ST8SIA1: variants seen among roughly 807,000 people sequenced by gnomAD.
ST8SIA1 encodes the protein ST8 alpha-N-acetyl-neuraminide alpha-2,8-sialyltransferase 1, also known as alpha-N-acetylneuraminide alpha-2,8-sialyltransferase.
Under a neutral mutation model 35.9 loss-of-function variants are expected in ST8SIA1, and 16 were observed. That is an observed-to-expected ratio of 0.45 (90% CI 0.30 to 0.68). ST8SIA1 has a LOEUF of 0.68. ST8SIA1 is among the 30% of genes least tolerant of loss of function. The probability of loss-of-function intolerance (pLI) is 0.09; values close to 1 mark genes in which losing one functional copy is unlikely to be tolerated. For missense variants in ST8SIA1, 383 were observed against 453.6 expected, an observed-to-expected ratio of 0.84 and a Z score of 1.41; for synonymous variants, 170 against 169.6, an observed-to-expected ratio of 1.00 and a Z score of -0.02.
chr12:22,256,118 AAAC>A (rs1186480757), intron 2 of ST8SIA1, among the ~76,000 whole-genome samples: 2 of 152,228 alleles, frequency 1.3e-5, no homozygotes, highest in East Asian at 1.9e-4. Flanking sequence ...AAAGCAGCGT[AAAC>A]AACGACACAG....
chr12:22,295,704 C>A (rs1210429208), intron 1 of ST8SIA1, among the ~76,000 whole-genome samples: 1 of 152,162 alleles, frequency 6.6e-6, no homozygotes, highest in Non-Finnish European at 1.5e-5. Context: ...TGCACTCCAG[C>A]CTGGGCAACA....
chr12:22,231,034 G>C (rs1272824736), intron 4 of ST8SIA1, among the ~76,000 whole-genome samples: 1 of 151,732 alleles, frequency 6.6e-6, no homozygotes, highest in Non-Finnish European at 1.5e-5. Context: ...ATGTTGGTGA[G>C]CTTGATGTTT....
intron 4 of ST8SIA1, chr12:22,223,867 A>G: frequency 9.5e-7 from 1 of 1,050,546 alleles, no homozygotes; most frequent in South Asian, 2.1e-5. Context: ...TGTGCAAAAT[A>G]ATACTTAATT....
At chr12:22,254,114 G>A (rs1207531966) in intron 3 of ST8SIA1, among the ~76,000 whole-genome samples, 1 of 152,144 alleles carries the variant, frequency 6.6e-6, no homozygotes, top group Admixed American at 6.5e-5. Context: ...TGGCCACAGA[G>A]TCTGCTGGCA....
chr12:22,228,402 C>T (rs907775719), intron 4 of ST8SIA1, among the ~76,000 whole-genome samples: 8 of 152,152 alleles, frequency 5.3e-5, no homozygotes, highest in Non-Finnish European at 1.2e-4. Context: ...TCTCTTATCC[C>T]TATTTTTCAG....
At chr12:22,301,767 G>C (rs1255155284) in intron 1 of ST8SIA1, among the ~76,000 whole-genome samples, 1 of 152,118 alleles carries the variant, frequency 6.6e-6, no homozygotes, top group African/African-American at 2.4e-5. Flanking sequence ...CAGGGTTCCT[G>C]ACCTGTGTTA....
intron 4 of ST8SIA1, among the ~76,000 whole-genome samples, chr12:22,233,967 A>T (rs1245478011): frequency 6.6e-6 from 1 of 152,100 alleles, no homozygotes; most frequent in African/African-American, 2.4e-5. Flanking sequence ...ATCAAATATA[A>T]TATATTATTT....
chr12:22,333,839 A>G, intron 1 of ST8SIA1, 158 bp downstream of exon 1: 1 of 802,104 alleles, frequency 1.2e-6, no homozygotes, highest in Non-Finnish European at 2.2e-6. Context: ...TAAAGTCTCC[A>G]GGTTGGGAAT....
intron 1 of ST8SIA1, among the ~76,000 whole-genome samples, chr12:22,317,270 C>A (rs1397098360): frequency 6.6e-6 from 1 of 152,116 alleles, no homozygotes; most frequent in Non-Finnish European, 1.5e-5. Context: ...TTGTTAAAAA[C>A]AATTTATTAC....
At chr12:22,257,815 T>G (rs937599652) in intron 2 of ST8SIA1, among the ~76,000 whole-genome samples, 3 of 151,908 alleles carry the variant, frequency 2.0e-5, no homozygotes, top group Non-Finnish European at 4.4e-5. Flanking sequence ...TGTAAAGACA[T>G]AGGTTTTTAT....
chr12:22,248,356 G>A (rs573912440), intron 4 of ST8SIA1, among the ~76,000 whole-genome samples: 162 of 152,204 alleles, frequency 1.1e-3, no homozygotes, highest in Non-Finnish European at 2.1e-3. Context: ...TGGAGAAACA[G>A]CTGATAGCTC....
chr12:22,306,245 G>A (rs903492188), intron 1 of ST8SIA1, among the ~76,000 whole-genome samples: 4 of 152,222 alleles, frequency 2.6e-5, no homozygotes, highest in South Asian at 2.1e-4. Context: ...GGCACATGTC[G>A]TCAGGACCTC....
chr12:22,201,908 G>C lies in ST8SIA1; in HGVS notation c.715C>G (p.Leu239Val). ...TEPSLRVYYT[L>V]SDVGANQTVL... The stretch of plus-strand genomic sequence containing the variant: ...GTTTGATTGGCACCAACATCTGACA[G>C]TGTATAATAAACCCTCAAAGATGGC... The change falls in exon 5 of 5, where the codon CTG becomes GTG. Residue 239 changes from leucine to valine, a missense_variant. Physicochemically the swap from Leu to Val is conservative, Grantham distance 32 (BLOSUM62 1). Coordinates refer to ENST00000396037, the MANE Select transcript of ST8SIA1 (RefSeq NM_003034.4). The C allele has an allele frequency of 1.2e-6, 2 of 1,614,100 alleles. No homozygotes were observed. The highest frequency in any genetic ancestry group is 8.5e-7 in the Non-Finnish European group (1 of 1,179,974).
At chr12:22,217,143 C>A (rs1021694491) in intron 4 of ST8SIA1, among the ~76,000 whole-genome samples, 5 of 152,240 alleles carry the variant, frequency 3.3e-5, no homozygotes, top group Admixed American at 1.3e-4. Context: ...AGAAAAATCT[C>A]ATTTTTTTTC....
chr12:22,323,583 T>C (rs1261430473), intron 1 of ST8SIA1, among the ~76,000 whole-genome samples: 1 of 152,134 alleles, frequency 6.6e-6, no homozygotes, highest in Non-Finnish European at 1.5e-5. Context: ...CTATTCACAA[T>C]AGCAAAGTCA....
intron 1 of ST8SIA1, among the ~76,000 whole-genome samples, chr12:22,296,370 C>T (rs931465027): frequency 6.6e-6 from 1 of 152,102 alleles, no homozygotes; most frequent in African/African-American, 2.4e-5. Flanking sequence ...GGTGTGGGGC[C>T]ACTGCACAAC....
At chr12:22,302,230 T>TTTC (rs150537547) in intron 1 of ST8SIA1, among the ~76,000 whole-genome samples, 25,450 of 152,048 alleles carry the variant, frequency 0.17, 2,941 homozygotes, top group African/African-American at 0.31. Flanking sequence ...TTTCGATTTT[T>TTTC]TTCTTTCTTT....
At chr12:22,300,369 G>A (rs1248865168) in intron 1 of ST8SIA1, among the ~76,000 whole-genome samples, 1 of 152,120 alleles carries the variant, frequency 6.6e-6, no homozygotes, top group African/African-American at 2.4e-5. Context: ...GGCCAATATT[G>A]AGAGATGAAA....
intron 4 of ST8SIA1, among the ~76,000 whole-genome samples, chr12:22,202,304 T>G (rs1399380982): frequency 6.6e-6 from 1 of 152,234 alleles, no homozygotes; most frequent in African/African-American, 2.4e-5. Context: ...ATTATACATT[T>G]GTTCTCTCCC....
Sources: allele counts gnomAD v4.1 joint callset (sites outside exome capture counted in the v4.1 genomes callset), GRCh38; gene constraint gnomAD v4.1.1; transcripts MANE v1.5; gene names NCBI Gene and HGNC (gene_info 2026-07-23, HGNC 2026-07-21).